Variants in SYNJ1 observed in about 807,000 individuals in gnomAD.
SYNJ1 encodes the protein polyphosphatidylinositol phosphatase SYNJ1.
SYNJ1 carries 78 observed loss-of-function variants against 168.2 expected under a neutral mutation model. The observed-to-expected ratio is 0.46, with a 90% CI of 0.39 to 0.56. The LOEUF is 0.56. Among genes scored for constraint, SYNJ1 ranks in the 20% least tolerant of loss-of-function variants. The pLI is 0.00. For synonymous variants in SYNJ1, 539 were observed against 548.6 expected (o/e 0.98, Z 0.24); for missense variants, 1,303 against 1,597.6 (o/e 0.82, Z 3.14).
At position 32,677,275 on chromosome 21, in the gene SYNJ1, C is replaced by G. The variant is rs1185712968; in HGVS notation, c.1511-920G>C. 2.6e-5 allele frequency among the ~76,000 whole-genome samples: 4 copies of G among 152,222 alleles called. No homozygotes were observed. In the South Asian group the frequency reaches 8.3e-4, roughly 32 times the overall value. ...GCTGGGTGCACTTTTCTGCATTTAC[C>G]TAGTGTTGCTTCCCAGCAAAATCAT... On this transcript the variant is annotated intron_variant, in intron 12 of 32. Coordinates refer to ENST00000674351, the MANE Select transcript of SYNJ1 (RefSeq NM_203446.3).
At chr21:32,727,113 A>C (rs1009497910) in intron 1 of SYNJ1, among the ~76,000 whole-genome samples, 196 bp from the exon 2 acceptor site, 1 of 152,230 alleles carries the variant, frequency 6.6e-6, no homozygotes, top group African/African-American at 2.4e-5. Flanking sequence ...CAAGAGGAAA[A>C]GCTATCAATT....
chr21:32,677,445 C>T (rs546146961), intron 12 of SYNJ1, among the ~76,000 whole-genome samples: 1 of 152,104 alleles, frequency 6.6e-6, no homozygotes, highest in African/African-American at 2.4e-5. Context: ...TAGTAAAATG[C>T]GCAGGAAACT....
Position 32,639,039 on chromosome 21 carries a change from C to A in SYNJ1, c.3784G>T (p.Glu1262Ter). ...SLPPPAQRLQEPLVPVAAPMP... is the reference protein window; with the variant it reads ...SLPPPAQRLQ The stretch of plus-strand genomic sequence containing the variant: ...GGTGCTGCCACAGGGACAAGAGGCT[C>A]TTGCAACCTTTGAGCAGGCGGGGGC... Residue 1262 changes from glutamate (E) to a stop codon, truncating the protein, a stop_gained, in exon 31 of 33, where the codon GAG (glutamate) becomes TAG (stop). Transcript: ENST00000674351. LOFTEE classifies it high-confidence loss of function. 1 of 1,614,022 alleles carries A rather than the reference C, an allele frequency of 6.2e-7. No homozygotes were observed. The highest frequency in any genetic ancestry group is 8.5e-7 in the Non-Finnish European group (1 of 1,179,948).
Position 32,657,766 on chromosome 21 carries a change from C to G in SYNJ1, c.2411G>C (p.Trp804Ser). ...CCTTCTCCAAAGGACACGGTCTGTC[C>G]AGGCAGGGGTGCGGCACTTTTCACT... ...DTSEKCRTPA[W>S]TDRVLWRRRK... is the part of the protein sequence containing the mutation. The change falls in exon 19 of 33, where the codon TGG becomes TCG. Residue 804 changes from tryptophan to serine, a missense_variant. Around this residue, in one of 2 missense-constraint regions of SYNJ1, gnomAD observed 920 missense variants for 1,208.8 expected, o/e 0.76. Transcript: ENST00000674351. 6.2e-7 allele frequency: 1 copy of G among 1,614,084 alleles called. No homozygotes were observed. The highest frequency in any genetic ancestry group is 8.5e-7 in the Non-Finnish European group (1 of 1,179,988).
upstream of SYNJ1, chr21:32,728,096 C>T: frequency 6.6e-7 from 1 of 1,505,150 alleles, no homozygotes; most frequent in East Asian, 2.6e-5. Context: ...GGCGGGGCAT[C>T]AGGAGGGAGA....
intron 18 of SYNJ1, among the ~76,000 whole-genome samples, chr21:32,663,650 A>G (rs1023933632): frequency 5.9e-5 from 9 of 152,230 alleles, no homozygotes; most frequent in African/African-American, 2.2e-4. Context: ...TGGAAAGATG[A>G]TGAATGGCCC....
chr21:32,708,047 T>G (rs1171410230), intron 2 of SYNJ1, among the ~76,000 whole-genome samples: 1 of 152,134 alleles, frequency 6.6e-6, no homozygotes, highest in Non-Finnish European at 1.5e-5. Context: ...ACTTTATCAT[T>G]GAAAGTATTT....
intron 6 of SYNJ1, among the ~76,000 whole-genome samples, chr21:32,692,624 AC>A (rs1212848429): frequency 6.6e-6 from 1 of 152,154 alleles, no homozygotes; most frequent in African/African-American, 2.4e-5. Context: ...ACATTAGCCA[AC>A]CAGACCGTAT....
At chr21:32,696,402 G>C (rs2042215436) in intron 4 of SYNJ1, among the ~76,000 whole-genome samples, 1 of 152,134 alleles carries the variant, frequency 6.6e-6, no homozygotes, top group Non-Finnish European at 1.5e-5. Flanking sequence ...AGCTGCTATG[G>C]CTAAAGTGGG....
rs761512345 is a variant in SYNJ1, at chr21:32,631,315, G to A, written c.*490C>T. On this transcript the variant is annotated 3_prime_UTR_variant, in exon 33 of 33. Transcript: ENST00000674351. The stretch of plus-strand genomic sequence containing the variant: ...CTAATTTTTAATGTAGACTGGCCCT[G>A]TAGATCAAAACTGTCCTTAAAGCCA... The A allele has an allele frequency of 6.2e-7, 1 of 1,614,204 alleles. No homozygotes were observed. Among genetic ancestry groups the A allele is most frequent in the Non-Finnish European group, 8.5e-7 (1 of 1,180,042 alleles).
chr21:32,650,075 A>G, intron 23 of SYNJ1, 109 bp downstream of exon 23: 2 of 1,322,056 alleles, frequency 1.5e-6, no homozygotes, highest in Non-Finnish European at 2.1e-6. Context: ...TAATAGTGCT[A>G]TGTACGTCCC....
In SYNJ1 at chr21:32,631,372, G is replaced by T; in HGVS notation, c.*433C>A. ...GAAGATGAAGCCCTGCTTTTGTTAT[G>T]ACCAAGAGGCTGCAGAGAAGGGAAA... On this transcript the variant is annotated 3_prime_UTR_variant, in exon 33 of 33. Transcript: ENST00000674351. The T allele has an allele frequency of 6.2e-7, 1 of 1,614,106 alleles. No individual in the cohort carries two copies. Among genetic ancestry groups the T allele is most frequent in the South Asian group, 1.1e-5 (1 of 91,044 alleles).
At position 32,664,793 on chromosome 21, in the gene SYNJ1, C is replaced by T. The variant is rs1601340458; in HGVS notation, c.2304+120G>A. On this transcript the variant is annotated intron_variant, in intron 18 of 32. Transcript: ENST00000674351. ...AAAGATAATTCTATTATCTGTTTAC[C>T]TACAGATGCATATTTAAGTACAAAA... is the stretch of plus-strand genomic sequence containing the variant. 6.4e-6 allele frequency: 5 copies of T among 779,028 alleles called. No homozygotes were observed. In the East Asian group the frequency reaches 1.3e-4, roughly 20 times the overall value. The allele number at this position is 779,028 out of a possible 1,614,324, so 48.3% of individuals were successfully genotyped here. A position where few individuals can be genotyped will look rare whatever the true frequency, so the allele number is the denominator to read the frequency against.
At chr21:32,652,345 C>T (rs746681603) in intron 22 of SYNJ1, among the ~76,000 whole-genome samples, 4 of 152,002 alleles carry the variant, frequency 2.6e-5, no homozygotes, top group Admixed American at 6.6e-5. Context: ...GGATTACAGG[C>T]GCCCACCACC....
At chr21:32,723,509 A>G (rs986620862) in intron 2 of SYNJ1, among the ~76,000 whole-genome samples, 3 of 152,192 alleles carry the variant, frequency 2.0e-5, no homozygotes, top group African/African-American at 7.2e-5. Context: ...ACAACAACAA[A>G]ACCAGCACAT....
rs1463459525 is a variant in SYNJ1, at chr21:32,642,097, A to G, written c.3515T>C (p.Ile1172Thr). 5.0e-6 allele frequency: 8 copies of G among 1,614,046 alleles called. No individual in the cohort carries two copies. Among genetic ancestry groups the G allele is most frequent in the Admixed American group, 1.7e-5 (1 of 60,008 alleles). Residue 1172 changes from isoleucine (I) to threonine (T), a missense_variant and splice_region_variant, in exon 28 of 33, where the codon ATA becomes ACA. Ile to Thr is a moderately conservative substitution (Grantham distance 89). Around this residue, in one of 2 missense-constraint regions of SYNJ1, gnomAD observed 383 missense variants for 388.8 expected, o/e 0.99. Transcript: ENST00000674351. ...TAGCTACATTCAAGTGTTTTTACCT[A>G]TATTATCTTTCCTTGTTGTTCCAGG... ...KSPGTTRKDN[I>T]GRSQPSPQAG...
intron 27 of SYNJ1, 46 bp downstream of exon 27, chr21:32,643,364 G>C: frequency 6.2e-7 from 1 of 1,604,868 alleles, no homozygotes; most frequent in Non-Finnish European, 8.5e-7. Context: ...CTGACACTGA[G>C]AAATAAAATG....
chr21:32,701,737 A>G (rs928027663), intron 3 of SYNJ1, among the ~76,000 whole-genome samples: 1 of 152,138 alleles, frequency 6.6e-6, no homozygotes, highest in African/African-American at 2.4e-5. Context: ...GTCAAACCAG[A>G]GACTGTCTCC....
Position 32,670,868 on chromosome 21 carries a change from G to T in SYNJ1, c.1727-496C>A, listed in dbSNP as rs2041158075. 5 of 934,570 alleles carry T rather than the reference G, an allele frequency of 5.4e-6. No individual in the cohort carries two copies. The South Asian group carries it at 2.0e-4, about 37-fold the overall frequency. 57.9% of individuals were successfully genotyped at this position (934,570 alleles called of 1,614,324 possible). A position where few individuals can be genotyped will look rare whatever the true frequency, so the allele number is the denominator to read the frequency against. Reference sequence around the variant, plus strand: ...AAAGAAATCCAGGAAAACTAGGAGAGATCCAGAAAGTAAGACACATCACTC... The same window carrying T: ...AAAGAAATCCAGGAAAACTAGGAGATATCCAGAAAGTAAGACACATCACTC... On this transcript the variant is annotated intron_variant, in intron 14 of 32. Transcript: ENST00000674351.
Sources: gnomAD v4.1 joint callset for allele counts (sites outside exome capture counted in the v4.1 genomes callset) on GRCh38, gnomAD v4.1.1 for gene constraint, gnomAD v4.1.1 regional missense constraint, MANE v1.5 for transcripts, NCBI Gene and HGNC (gene_info 2026-07-23, HGNC 2026-07-21) for gene names.